RSRC1: variants seen among roughly 807,000 people sequenced by gnomAD.
RSRC1 encodes arginine and serine rich coiled-coil 1, also known as serine/Arginine-related protein 53.
RSRC1 carries 39 observed loss-of-function variants against 49.1 expected under a neutral mutation model. The observed-to-expected ratio is 0.79, with a 90% confidence interval of 0.61 to 1.04. The LOEUF is 1.04. RSRC1 is among the 50% of genes least tolerant of loss of function. RSRC1 has a pLI of 0.00. For missense variants in RSRC1, 388 were observed against 402.4 expected (o/e 0.96, Z 0.31); for synonymous variants, 143 against 130.8 (o/e 1.09, Z -0.63).
chr3:158,274,443 T>C (rs375583000), intron 4 of RSRC1, among the ~76,000 whole-genome samples: 6 of 151,974 alleles, frequency 3.9e-5, no homozygotes, highest in Admixed American at 1.3e-4. Context: ...TCAAAATGTA[T>C]GACTTAGGAT....
chr3:158,203,353 G>A (rs1225281514), intron 4 of RSRC1, 108 bp downstream of exon 4: 2 of 1,143,066 alleles, frequency 1.7e-6, no homozygotes, highest in Non-Finnish European at 2.4e-6. Context: ...TGCTATAAGA[G>A]TAGAAGAAAA....
intron 7 of RSRC1, among the ~76,000 whole-genome samples, chr3:158,472,522 T>G (rs980664407): frequency 2.0e-5 from 3 of 152,168 alleles, no homozygotes; most frequent in African/African-American, 7.2e-5. Flanking sequence ...AACCCACTAA[T>G]GAGTCATAAT....
At chr3:158,310,496 G>A (rs186929630) in intron 5 of RSRC1, among the ~76,000 whole-genome samples, 4 of 151,742 alleles carry the variant, frequency 2.6e-5, no homozygotes, top group African/African-American at 4.8e-5. Context: ...TCGCAGGAAC[G>A]AATACAAATC....
At chr3:158,415,961 T>G (rs924623726) in intron 6 of RSRC1, among the ~76,000 whole-genome samples, 5 of 152,070 alleles carry the variant, frequency 3.3e-5, no homozygotes, top group African/African-American at 1.2e-4. Flanking sequence ...TGATAATATC[T>G]AGACTTATCT....
At position 158,183,240 on chromosome 3, in the gene RSRC1, T is replaced by G. The variant is rs889516450; in HGVS notation, c.321-19832T>G. Reference sequence around the variant, plus strand: ...GATTTTAAAATACTTTTCAATAAAATAAAATGGTTTTTATTATTTTTAAGA... The same window carrying G: ...GATTTTAAAATACTTTTCAATAAAAGAAAATGGTTTTTATTATTTTTAAGA... On this transcript the variant is annotated intron_variant, in intron 3 of 9. Transcript: ENST00000611884. Among the ~76,000 whole-genome samples, 4 of 152,220 alleles carry G rather than the reference T, an allele frequency of 2.6e-5. No homozygotes were observed. In the East Asian group the frequency reaches 5.8e-4, roughly 22 times the overall value.
intron 6 of RSRC1, among the ~76,000 whole-genome samples, chr3:158,388,936 C>T (rs75427536): frequency 6.6e-6 from 1 of 152,024 alleles, no homozygotes; most frequent in Non-Finnish European, 1.5e-5. Context: ...TGACCCTTAC[C>T]CCTTGAAATA....
chr3:158,518,148 A>ATATATTTT (rs1310027981), intron 7 of RSRC1, among the ~76,000 whole-genome samples: 3 of 44,138 alleles, frequency 6.8e-5, no homozygotes, highest in African/African-American at 4.6e-4. Flanking sequence ...ATATATATAT[A>ATATATTTT]TTTTTTTTTT....
chr3:158,506,338 G>A (rs937398948), intron 7 of RSRC1, among the ~76,000 whole-genome samples: 8 of 152,140 alleles, frequency 5.3e-5, no homozygotes, highest in East Asian at 1.9e-4. Flanking sequence ...TTGAGAGGCC[G>A]AGATGGGAGT....
At chr3:158,120,766 A>G (rs1328862714) in intron 1 of RSRC1, among the ~76,000 whole-genome samples, 1 of 149,690 alleles carries the variant, frequency 6.7e-6, no homozygotes, top group Non-Finnish European at 1.5e-5. Flanking sequence ...TACTTTGTTT[A>G]TAGTGACGGT....
At chr3:158,258,208 CTTTTTTTTTT>C (rs71144451) in intron 4 of RSRC1, among the ~76,000 whole-genome samples, 17 of 65,776 alleles carry the variant, frequency 2.6e-4, no homozygotes, top group African/African-American at 9.2e-4. Flanking sequence ...TCCTTTTAAC[CTTTTTTTTTT>C]TTTTTTTTTT....
intron 7 of RSRC1, among the ~76,000 whole-genome samples, chr3:158,491,564 TG>T (rs1739085611): frequency 6.6e-6 from 1 of 152,318 alleles, no homozygotes; most frequent in African/African-American, 2.4e-5. Flanking sequence ...ATAATAAAAT[TG>T]TATGTTTTAA....
chr3:158,188,004 A>C (rs1720024769), intron 3 of RSRC1, among the ~76,000 whole-genome samples: 1 of 151,990 alleles, frequency 6.6e-6, no homozygotes, highest in African/African-American at 2.4e-5. Flanking sequence ...ATAAACTCTC[A>C]TGCAGCCGTG....
chr3:158,303,401 A>G (rs1727674926), intron 5 of RSRC1: 1 of 152,188 alleles, frequency 6.6e-6, no homozygotes. Flanking sequence ...TCTTTTCTGA[A>G]AAGTCAAATA....
At chr3:158,179,713 T>A (rs1719469239) in intron 3 of RSRC1, among the ~76,000 whole-genome samples, 1 of 152,224 alleles carries the variant, frequency 6.6e-6, no homozygotes, top group Non-Finnish European at 1.5e-5. Context: ...TATAGGTTTT[T>A]GTGTGAACAT....
At chr3:158,164,538 G>GT (rs572450525) in intron 3 of RSRC1, among the ~76,000 whole-genome samples, 7 of 151,776 alleles carry the variant, frequency 4.6e-5, no homozygotes, top group Admixed American at 2.0e-4. Context: ...TATAGCCAGT[G>GT]TTTTTTTTCT....
chr3:158,409,690 A>G (rs1223020071), intron 6 of RSRC1, among the ~76,000 whole-genome samples: 2 of 151,550 alleles, frequency 1.3e-5, no homozygotes, highest in Non-Finnish European at 2.9e-5. Flanking sequence ...ATTGCCTATT[A>G]TCACCAAAGA....
chr3:158,466,136 A>G (rs1397815254), intron 7 of RSRC1, among the ~76,000 whole-genome samples: 1 of 152,152 alleles, frequency 6.6e-6, no homozygotes, highest in African/African-American at 2.4e-5. Flanking sequence ...AGTTTCAGCG[A>G]TTCCAGTAAA....
At chr3:158,362,656 T>G (rs1232459565) in intron 6 of RSRC1, among the ~76,000 whole-genome samples, 1 of 152,202 alleles carries the variant, frequency 6.6e-6, no homozygotes, top group African/African-American at 2.4e-5. Flanking sequence ...AAAACATGAT[T>G]ATTTCACAGG....
chr3:158,385,208 G>A (rs1401882885), intron 6 of RSRC1, among the ~76,000 whole-genome samples: 1 of 152,068 alleles, frequency 6.6e-6, no homozygotes, highest in African/African-American at 2.4e-5. Context: ...CCTATGCTAG[G>A]CAATGGGAAT....
Sources: gnomAD v4.1 joint callset for allele counts (sites outside exome capture counted in the v4.1 genomes callset) on GRCh38, gnomAD v4.1.1 for gene constraint, MANE v1.5 for transcripts, NCBI Gene and HGNC (gene_info 2026-07-23, HGNC 2026-07-21) for gene names.